Variants in PIGB observed in about 807,000 individuals in gnomAD.
PIGB encodes the protein phosphatidylinositol glycan anchor biosynthesis class B.
PIGB carries 58 observed loss-of-function variants against 68.4 expected under a neutral mutation model. The ratio of observed to expected loss-of-function variants is 0.85; its 90% confidence interval spans 0.69 to 1.06. The LOEUF (loss-of-function observed/expected upper bound fraction) is 1.06. PIGB is among the 50% of genes least tolerant of loss of function. The probability of loss-of-function intolerance (pLI) is 0.00; values close to 1 mark genes in which losing one functional copy is unlikely to be tolerated. For synonymous variants in PIGB, 219 were observed against 220.5 expected, an observed-to-expected ratio of 0.99 and a Z score of 0.06; for missense variants, 634 against 655.8, an observed-to-expected ratio of 0.97 and a Z score of 0.36.
At chr15:55,327,301 G>A (rs2055315350) in intron 3 of PIGB, among the ~76,000 whole-genome samples, 1 of 149,962 alleles carries the variant, frequency 6.7e-6, no homozygotes, top group Non-Finnish European at 1.5e-5. Context: ...TACAGAGAAT[G>A]AGACTGGTAA....
chr15:55,340,500 G>C (rs767490659), intron 7 of PIGB, 112 bp from the exon 8 acceptor site: 1 of 627,590 alleles, frequency 1.6e-6, no homozygotes, highest in Admixed American at 3.3e-5. Flanking sequence ...CTATTGCCTG[G>C]TTTTTAGACT....
rs1164109873 is a variant in PIGB at position 55,344,890 on chromosome 15, C to CTTT, written c.1123+3109_1123+3111dup. 2.5e-3 allele frequency among the ~76,000 whole-genome samples: 250 copies of CTTT among 98,900 alleles called. 2 individuals are homozygous for CTTT. The highest frequency in any genetic ancestry group is 5.4e-3 in the African/African-American group (129 of 23,836). The allele number at this position is 98,900 out of a possible 152,430, so 64.9% of individuals were successfully genotyped here. A position where few individuals can be genotyped will look rare whatever the true frequency, so the allele number is the denominator to read the frequency against. ...CCACTTTGTTTTTCCATATTCTTAT[C>CTTT]TTTTTTTTTTTTTTTTTTTTTTTGA... On this transcript the variant is annotated intron_variant, in intron 9 of 11. Coordinates refer to ENST00000164305, the MANE Select transcript of PIGB (RefSeq NM_004855.5).
chr15:55,341,251 T>C (rs138431844), intron 8 of PIGB, among the ~76,000 whole-genome samples: 1 of 152,180 alleles, frequency 6.6e-6, no homozygotes, highest in African/African-American at 2.4e-5. Context: ...GTCCTAGCTA[T>C]TGGGGAAGCT....
At chr15:55,321,224 C>A (rs372696137) in intron 2 of PIGB, 49 bp from the exon 3 acceptor site, 3 of 1,419,640 alleles carry the variant, frequency 2.1e-6, no homozygotes, top group Admixed American at 2.9e-5. Flanking sequence ...AAAAAAAACA[C>A]GGAAATAGGT....
chr15:55,355,434 C>G lies in PIGB; in HGVS notation c.*2C>G. ...TTCAACATGAAGATGAAATTCTGAA[C>G]TTTCCTAGATAAATTAACATTGCTG... On this transcript the variant is annotated 3_prime_UTR_variant, in exon 12 of 12. Transcript: ENST00000164305. The G allele has an allele frequency of 6.2e-7, 1 of 1,604,180 alleles. No homozygotes were observed. Among genetic ancestry groups the G allele is most frequent in the Non-Finnish European group, 8.5e-7 (1 of 1,175,240 alleles).
rs770336696 is a variant in PIGB at position 55,355,564 on chromosome 15, G to A, written c.*132G>A. 3 of 645,600 alleles carry A rather than the reference G, an allele frequency of 4.6e-6. No individual in the cohort carries two copies. Among genetic ancestry groups the A allele is most frequent in the Non-Finnish European group, 7.8e-6 (3 of 382,178 alleles). 40.0% of individuals were successfully genotyped at this position (645,600 alleles called of 1,614,324 possible). ...AACTGCTTTACCAAATATCACTACTGAGGAAATGTATAAAATACCACATAG... is the reference window on the plus strand; with the variant it reads ...AACTGCTTTACCAAATATCACTACTAAGGAAATGTATAAAATACCACATAG... On this transcript the variant is annotated 3_prime_UTR_variant, in exon 12 of 12. Transcript: ENST00000164305.
intron 10 of PIGB, among the ~76,000 whole-genome samples, chr15:55,353,541 C>G (rs982010314): frequency 7.9e-5 from 12 of 152,084 alleles, no homozygotes; most frequent in Admixed American, 5.2e-4. Context: ...TTTGCATGAC[C>G]TAAGTAACTG....
intron 9 of PIGB, chr15:55,343,557 C>G (rs916839746): frequency 2.6e-5 from 4 of 152,152 alleles, no homozygotes; most frequent in Admixed American, 2.6e-4. Context: ...AGTATTTACA[C>G]AAAGATTGAG....
rs73415560 is a variant in PIGB, at chr15:55,337,413, A to G, written c.795-1854A>G. ...CACAGCAGGAGGTGAGCAAGCAAGC[A>G]AGCATTACTGCCTGAGCTCCACCTC... On this transcript the variant is annotated intron_variant, in intron 6 of 11. Coordinates refer to ENST00000164305, the MANE Select transcript of PIGB (RefSeq NM_004855.5). Among the ~76,000 whole-genome samples the G allele has an allele frequency of 3.2e-3, 483 of 152,320 alleles. 1 individual carries two copies. The highest frequency in any genetic ancestry group is 0.011 in the African/African-American group (455 of 41,562).
At chr15:55,329,658 A>C in intron 4 of PIGB, 66 bp from the exon 5 acceptor site, 1 of 1,235,684 alleles carries the variant, frequency 8.1e-7, no homozygotes, top group Non-Finnish European at 1.1e-6. Context: ...TGCTATTTAG[A>C]AGATAATATG....
At chr15:55,343,703 T>C (rs1156568190) in intron 9 of PIGB, 1 of 152,160 alleles carries the variant, frequency 6.6e-6, no homozygotes, top group East Asian at 1.9e-4. Flanking sequence ...TAGGTAAGAA[T>C]CACCCCTTCT....
intron 9 of PIGB, among the ~76,000 whole-genome samples, chr15:55,349,249 C>A (rs2055871582): frequency 6.6e-6 from 1 of 152,114 alleles, no homozygotes; most frequent in Non-Finnish European, 1.5e-5. Context: ...GTGGCGTGGT[C>A]ATAGCTCACT....
chr15:55,327,475 T>C, intron 3 of PIGB, 56 bp from the exon 4 acceptor site: 1 of 1,140,972 alleles, frequency 8.8e-7, no homozygotes, highest in Non-Finnish European at 1.3e-6. Context: ...TTATCATAAT[T>C]CAGTTTGAAC....
At chr15:55,339,199 G>T in intron 6 of PIGB, 68 bp from the exon 7 acceptor site, 2 of 1,084,766 alleles carry the variant, frequency 1.8e-6, no homozygotes. Flanking sequence ...CACGTACAAA[G>T]CCATATGCTA....
Position 55,319,266 on chromosome 15 carries a change from A to T in PIGB, c.16A>T (p.Ser6Cys). ...GCGGCCAGGGATGAGGAGGCCCCTA[A>T]GCAAGTGCGGAATGGAGCCGGGGGG... MRRPL[S>C]KCGMEPGGGD... The change falls in exon 1 of 12, where the codon AGC becomes TGC. Residue 6 changes from serine to cysteine, a missense_variant. Ser to Cys is a moderately radical substitution (Grantham distance 112). Transcript: ENST00000164305. 1.9e-6 allele frequency: 3 copies of T among 1,607,286 alleles called. No homozygotes were observed. The African/African-American group carries it at 4.0e-5, about 21-fold the overall frequency.
At position 55,327,636 on chromosome 15, in the gene PIGB, G is replaced by T. The variant is rs763399137; in HGVS notation, c.522+1G>T. 5.1e-6 allele frequency: 8 copies of T among 1,567,968 alleles called. No homozygotes were observed. The highest frequency in any genetic ancestry group is 6.1e-6 in the Non-Finnish European group (7 of 1,139,920). ...AAATCAGGAAGTGGCAAGATGGGTG[G>T]TAAGTCCTAAATACTTTAGAAGCTG... On this transcript the variant is annotated splice_donor_variant, in intron 4 of 11. Transcript: ENST00000164305. LOFTEE classifies it high-confidence loss of function.
chr15:55,320,245 C>T, intron 1 of PIGB, 30 bp from the exon 2 acceptor site: 1 of 1,597,834 alleles, frequency 6.3e-7, no homozygotes, highest in Non-Finnish European at 8.5e-7. Context: ...ACTTTTGTGC[C>T]ACTATTACCT....
intron 9 of PIGB, among the ~76,000 whole-genome samples, chr15:55,342,307 T>C (rs963620875): frequency 6.6e-6 from 1 of 152,232 alleles, no homozygotes; most frequent in Non-Finnish European, 1.5e-5. Context: ...AGGAAAAATG[T>C]ATTTACTGCT....
chr15:55,319,324 A>C lies in PIGB; in HGVS notation c.74A>C (p.Gln25Pro). ...GDASLTLHGLQNRSHGKIKLR... is the reference protein window; with the variant it reads ...GDASLTLHGLPNRSHGKIKLR... ...GCCAGCCTCACTTTGCATGGTCTCC[A>C]GAACCGCTCCCACGGCAAGATAAAG... The change falls in exon 1 of 12, where the codon CAG becomes CCG. Residue 25 changes from glutamine (Q) to proline (P), a missense_variant. Transcript: ENST00000164305. The C allele has an allele frequency of 6.3e-7, 1 of 1,594,498 alleles. No individual in the cohort carries two copies. Among genetic ancestry groups the C allele is most frequent in the Non-Finnish European group, 8.5e-7 (1 of 1,170,716 alleles).
Sources: allele counts gnomAD v4.1 joint callset (sites outside exome capture counted in the v4.1 genomes callset), GRCh38; gene constraint gnomAD v4.1.1; transcripts MANE v1.5; gene names NCBI Gene and HGNC (gene_info 2026-07-23, HGNC 2026-07-21).